Variants in PLEKHA3 observed in about 807,000 individuals in gnomAD.
PLEKHA3 encodes pleckstrin homology domain-containing family A member 3.
Under a neutral mutation model 39.2 loss-of-function variants are expected in PLEKHA3, and 19 were observed. That is an observed-to-expected ratio of 0.48 (90% confidence interval 0.34 to 0.71). The LOEUF is 0.71. PLEKHA3 is among the 30% of genes least tolerant of loss of function. The pLI is 0.01. For missense variants in PLEKHA3, 253 were observed against 359.5 expected, an observed-to-expected ratio of 0.70 and a Z score of 2.40; for synonymous variants, 97 against 118.6, an observed-to-expected ratio of 0.82 and a Z score of 1.18.
chr2:178,481,225 TATTCATACTTTAAGAGC>T (rs1330705355), intron 1 of PLEKHA3, among the ~76,000 whole-genome samples: 1 of 152,230 alleles, frequency 6.6e-6, no homozygotes, highest in Non-Finnish European at 1.5e-5. Context: ...TCACACTTAG[TATTCATACTTTAAGAGC>T]ATTTTGTTAA....
At chr2:178,501,308 A>G (rs1364102208) in intron 7 of PLEKHA3, 132 bp downstream of exon 7, 3 of 658,846 alleles carry the variant, frequency 4.6e-6, no homozygotes, top group Non-Finnish European at 7.9e-6. Context: ...ATTCAGAGGT[A>G]AGCAAACAGC....
At chr2:178,482,439 G>A (rs970936392) in intron 1 of PLEKHA3, among the ~76,000 whole-genome samples, 3 of 151,826 alleles carry the variant, frequency 2.0e-5, no homozygotes, top group South Asian at 2.1e-4. Context: ...CTGAGGAGGC[G>A]GAGGCGAAAG....
intron 1 of PLEKHA3, among the ~76,000 whole-genome samples, chr2:178,482,405 A>G (rs1043621762): frequency 6.6e-6 from 1 of 151,982 alleles, no homozygotes; most frequent in African/African-American, 2.4e-5. Context: ...TAGGTGTGGT[A>G]GTGCACACCT....
At position 178,514,744 on chromosome 2, in the gene PLEKHA3, C is replaced by T. The variant is rs1685736182; in HGVS notation, c.*10857C>T. Reference sequence around the variant, plus strand: ...AATTCAATAGCATATCAGTGCTTTACCTTAGTCACTTTTTGTGTTTTGATC... The same window carrying T: ...AATTCAATAGCATATCAGTGCTTTATCTTAGTCACTTTTTGTGTTTTGATC... On this transcript the variant is annotated 3_prime_UTR_variant, in exon 8 of 8. Coordinates refer to ENST00000234453, the MANE Select transcript of PLEKHA3 (RefSeq NM_019091.4). The T allele has an allele frequency of 6.6e-6, 1 of 151,284 alleles. No homozygotes were observed. Among genetic ancestry groups the T allele is most frequent in the Non-Finnish European group, 1.5e-5 (1 of 67,920 alleles). The allele number at this position is 151,284 out of a possible 1,614,324, so 9.4% of individuals were successfully genotyped here. A position where few individuals can be genotyped will look rare whatever the true frequency, so the allele number is the denominator to read the frequency against.
chr2:178,500,072 GGATA>G, intron 6 of PLEKHA3, among the ~76,000 whole-genome samples: 1 of 152,134 alleles, frequency 6.6e-6, no homozygotes, highest in East Asian at 1.9e-4. Context: ...TTTACCTTCT[GGATA>G]GATCTTACCA....
intron 2 of PLEKHA3, chr2:178,488,924 C>G (rs1156697717): frequency 2.3e-6 from 1 of 439,492 alleles, no homozygotes. Context: ...TCCATCTTTT[C>G]TGATGTTTTG....
In PLEKHA3 at chr2:178,504,559, C is replaced by T. The variant is rs1685576838; in HGVS notation, c.*672C>T. 1.3e-5 allele frequency: 2 copies of T among 152,344 alleles called. No individual in the cohort carries two copies. Among genetic ancestry groups the T allele is most frequent in the Admixed American group, 1.3e-4 (2 of 15,224 alleles). 9.4% of individuals were successfully genotyped at this position (152,344 alleles called of 1,614,324 possible). On this transcript the variant is annotated 3_prime_UTR_variant, in exon 8 of 8. Transcript: ENST00000234453. ...TTCTTGTTGCCTCAAAAGATGATTGCATTCTAACTTTTGTGACCTACCAAA... is the reference window on the plus strand; with the variant it reads ...TTCTTGTTGCCTCAAAAGATGATTGTATTCTAACTTTTGTGACCTACCAAA...
At chr2:178,490,953 G>T in intron 3 of PLEKHA3, 139 bp downstream of exon 3, 5 of 557,632 alleles carry the variant, frequency 9.0e-6, no homozygotes, top group South Asian at 4.0e-5. Flanking sequence ...CTTTATCATA[G>T]TAAACATTTT....
chr2:178,492,273 A>G (rs1685359649), intron 3 of PLEKHA3, among the ~76,000 whole-genome samples: 1 of 152,184 alleles, frequency 6.6e-6, no homozygotes, highest in African/African-American at 2.4e-5. Flanking sequence ...ATTACAGAAT[A>G]TAGCTACAGG....
Position 178,480,885 on chromosome 2 carries a change from T to C in PLEKHA3, c.16T>C (p.Tyr6His). The C allele has an allele frequency of 7.6e-7, 1 of 1,313,956 alleles. No homozygotes were observed. The highest frequency in any genetic ancestry group is 9.8e-7 in the Non-Finnish European group (1 of 1,022,678). The allele number at this position is 1,313,956 out of a possible 1,614,324, so 81.4% of individuals were successfully genotyped here. A position where few individuals can be genotyped will look rare whatever the true frequency, so the allele number is the denominator to read the frequency against. Residue 6 changes from tyrosine (Y) to histidine (H), a missense_variant, in exon 1 of 8, where the codon TAC becomes CAC. Coordinates refer to ENST00000234453, the MANE Select transcript of PLEKHA3 (RefSeq NM_019091.4). ...GCTCTGAAGCATGGAGGGGGTGTTG[T>C]ACAAGTGGACCAACTATCTCACAGG... is the stretch of plus-strand genomic sequence containing the variant. MEGVLYKWTNYLTGWQ... is the reference protein window; with the variant it reads MEGVLHKWTNYLTGWQ...
rs1685431880 is a variant in PLEKHA3 at position 178,495,751 on chromosome 2, CA to C, written c.615+92del. The C allele has an allele frequency of 7.2e-6, 10 of 1,389,942 alleles. No individual in the cohort carries two copies. In the East Asian group the frequency reaches 2.3e-4, roughly 32 times the overall value. 86.1% of individuals were successfully genotyped at this position (1,389,942 alleles called of 1,614,324 possible). On this transcript the variant is annotated intron_variant, in intron 5 of 7. Coordinates refer to ENST00000234453, the MANE Select transcript of PLEKHA3 (RefSeq NM_019091.4). ...TGGTATTTATTTTTAAGGGTGGAAG[CA>C]GGCAGTTGGGGGGCGGGGAACAGCT... is the stretch of plus-strand genomic sequence containing the variant.
At position 178,499,274 on chromosome 2, in the gene PLEKHA3, T is replaced by G. The variant is rs1685494172; in HGVS notation, c.659+20T>G. ...AGAGAGGTAAAAGAACCTTTTCTTC[T>G]GACTAAGTTCTCTCAAATTATATCC... On this transcript the variant is annotated intron_variant, in intron 6 of 7. Transcript: ENST00000234453. 1.3e-5 allele frequency: 21 copies of G among 1,610,344 alleles called. No individual in the cohort carries two copies. Among genetic ancestry groups the G allele is most frequent in the Middle Eastern group, 1.7e-4 (1 of 6,046 alleles).
At chr2:178,495,443 T>C in intron 4 of PLEKHA3, 53 bp from the exon 5 acceptor site, 1 of 1,533,372 alleles carries the variant, frequency 6.5e-7, no homozygotes, top group Non-Finnish European at 9.0e-7. Context: ...AGGTTGTATA[T>C]GATTCCATGT....
chr2:178,488,954 T>C (rs749811758), intron 2 of PLEKHA3: 2 of 459,060 alleles, frequency 4.4e-6, no homozygotes, highest in South Asian at 1.6e-5. Flanking sequence ...TTTTTAAGTT[T>C]GTTGCCTTTT....
chr2:178,483,553 A>C (rs141213717), intron 1 of PLEKHA3, among the ~76,000 whole-genome samples: 1 of 152,178 alleles, frequency 6.6e-6, no homozygotes, highest in African/African-American at 2.4e-5. Flanking sequence ...CATTTTGCCC[A>C]ATATTTGTTT....
chr2:178,495,490 T>G lies in PLEKHA3; in HGVS notation c.451-6T>G, dbSNP rs577704411. 6.2e-7 allele frequency: 1 copy of G among 1,613,816 alleles called. No individual in the cohort carries two copies. Among genetic ancestry groups the G allele is most frequent in the East Asian group, 2.2e-5 (1 of 44,882 alleles). On this transcript the variant is annotated splice_region_variant and splice_polypyrimidine_tract_variant and intron_variant, in intron 4 of 7. Coordinates refer to ENST00000234453, the MANE Select transcript of PLEKHA3 (RefSeq NM_019091.4). ...AATCTGTTCAAGTCTTTGTGTAATT[T>G]TTCAGAACATGAATGAAGCCTCTTC...
intron 5 of PLEKHA3, among the ~76,000 whole-genome samples, chr2:178,498,962 T>G (rs540085014): frequency 1.3e-5 from 2 of 152,184 alleles, no homozygotes; most frequent in East Asian, 3.9e-4. Flanking sequence ...GGTTTTCACT[T>G]TTGAAAAAAG....
At chr2:178,495,471 T>A (rs1342241726) in intron 4 of PLEKHA3, 25 bp from the exon 5 acceptor site, 1 of 1,612,870 alleles carries the variant, frequency 6.2e-7, no homozygotes, top group Admixed American at 1.7e-5. Flanking sequence ...TGCAAATCTG[T>A]TCAAGTCTTT....
Position 178,498,771 on chromosome 2 carries a change from G to A in PLEKHA3, c.616-440G>A, listed in dbSNP as rs1322686078. Reference sequence around the variant, plus strand: ...TATATCAGCTACCTAAATAATTAATGATAAAGAGAAGCTTTGCTGCCAGAC... The same window carrying A: ...TATATCAGCTACCTAAATAATTAATAATAAAGAGAAGCTTTGCTGCCAGAC... On this transcript the variant is annotated intron_variant, in intron 5 of 7. Coordinates refer to ENST00000234453, the MANE Select transcript of PLEKHA3 (RefSeq NM_019091.4). 2.0e-5 allele frequency among the ~76,000 whole-genome samples: 3 copies of A among 151,968 alleles called. No individual in the cohort carries two copies. The East Asian group carries it at 5.8e-4, about 29-fold the overall frequency.
Sources: allele counts gnomAD v4.1 joint callset (sites outside exome capture counted in the v4.1 genomes callset), GRCh38; gene constraint gnomAD v4.1.1; transcripts MANE v1.5; gene names NCBI Gene and HGNC (gene_info 2026-07-23, HGNC 2026-07-21).